Variants in PKIG observed in about 807,000 individuals in gnomAD.
PKIG encodes the protein cAMP-dependent protein kinase inhibitor gamma.
In PKIG, 1 loss-of-function variant was observed where a neutral mutation model predicts 6.8. The observed-to-expected ratio is 0.15, with a 90% confidence interval of 0.05 to 0.69. The LOEUF is 0.69. Among genes scored for constraint, PKIG ranks in the 30% least tolerant of loss-of-function variants. The probability of loss-of-function intolerance (pLI) is 0.82; values close to 1 mark genes in which losing one functional copy is unlikely to be tolerated. For missense variants in PKIG, 77 were observed against 104.0 expected (o/e 0.74, Z 1.13); for synonymous variants, 39 against 43.0 (o/e 0.91, Z 0.36).
intron 2 of PKIG, among the ~76,000 whole-genome samples, chr20:44,606,624 C>G (rs1406157992): frequency 1.3e-5 from 2 of 152,158 alleles, no homozygotes; most frequent in Non-Finnish European, 2.9e-5. Flanking sequence ...GCCTGGCCAA[C>G]ATGGTGAAAC....
intron 2 of PKIG, among the ~76,000 whole-genome samples, chr20:44,605,181 G>A (rs1046766970): frequency 8.6e-5 from 13 of 152,020 alleles, no homozygotes; most frequent in East Asian, 7.8e-4. Flanking sequence ...CGAGACGGGC[G>A]GATCACGAGG....
chr20:44,598,572 C>G (rs1245846125), intron 2 of PKIG: 1 of 152,204 alleles, frequency 6.6e-6, no homozygotes, highest in African/African-American at 2.4e-5. Flanking sequence ...GGCAGGCCTG[C>G]CAGGAAGTGA....
intron 1 of PKIG, among the ~76,000 whole-genome samples, chr20:44,552,185 T>G (rs1600845759): frequency 2.0e-5 from 3 of 148,768 alleles, no homozygotes; most frequent in Admixed American, 2.0e-4. Flanking sequence ...GTCAGTCTGT[T>G]TGTCAGACTT....
At chr20:44,565,256 T>C (rs191910346) in intron 1 of PKIG, among the ~76,000 whole-genome samples, 7 of 152,290 alleles carry the variant, frequency 4.6e-5, no homozygotes, top group Non-Finnish European at 1.0e-4. Flanking sequence ...TTGAATAAAA[T>C]ATAAAATTTT....
At chr20:44,576,941 G>A (rs752242927) in intron 1 of PKIG, among the ~76,000 whole-genome samples, 1 of 151,884 alleles carries the variant, frequency 6.6e-6, no homozygotes, top group African/African-American at 2.4e-5. Flanking sequence ...AGTCCAAAGG[G>A]GACCACAAAG....
At chr20:44,585,549 G>A (rs921455133) in intron 1 of PKIG, among the ~76,000 whole-genome samples, 3 of 152,210 alleles carry the variant, frequency 2.0e-5, no homozygotes, top group Admixed American at 2.0e-4. Flanking sequence ...TCTCACAGCT[G>A]GCAGGGGCTA....
intron 2 of PKIG, among the ~76,000 whole-genome samples, chr20:44,590,171 T>C (rs2065023087): frequency 6.6e-6 from 1 of 152,056 alleles, no homozygotes; most frequent in South Asian, 2.1e-4. Flanking sequence ...CTTAAGCAGG[T>C]GGAATCATAC....
upstream of PKIG, among the ~76,000 whole-genome samples, chr20:44,578,090 C>T (rs572748291): frequency 5.3e-5 from 8 of 152,070 alleles, no homozygotes; most frequent in South Asian, 6.2e-4. Flanking sequence ...CCTGTAATCC[C>T]AGCACTTTGG....
intron 2 of PKIG, among the ~76,000 whole-genome samples, chr20:44,610,959 C>T (rs1398027454): frequency 6.6e-6 from 1 of 151,766 alleles, no homozygotes; most frequent in Non-Finnish European, 1.5e-5. Context: ...ATAATCAGAT[C>T]AGGGCAGTTA....
rs563254648 is a variant in PKIG at position 44,614,150 on chromosome 20, G to A, written c.-23-384G>A. Among the ~76,000 whole-genome samples, 2 of 152,310 alleles carry A rather than the reference G, an allele frequency of 1.3e-5. No homozygotes were observed. The highest frequency in any genetic ancestry group is 3.9e-4 in the East Asian group (2 of 5,180). On this transcript the variant is annotated intron_variant, in intron 2 of 3. Coordinates refer to ENST00000372886, the MANE Select transcript of PKIG (RefSeq NM_001281445.2). The surrounding 1 kb of genome is among the most constrained non-coding windows in gnomAD (Gnocchi z 4.6). ...TTGAAGCCTTGAGCACCAAGGCCAT[G>A]ACTTAGGTACGAGGTGACTTTATGC...
At chr20:44,544,064 C>T (rs78198078) in intron 1 of PKIG, among the ~76,000 whole-genome samples, 1 of 72,724 alleles carries the variant, frequency 1.4e-5, no homozygotes, top group African/African-American at 5.5e-5. Context: ...AACTCCGCCT[C>T]AAAAAAAAAA....
At chr20:44,533,501 A>G (rs2064486039) in intron 1 of PKIG, among the ~76,000 whole-genome samples, 1 of 152,220 alleles carries the variant, frequency 6.6e-6, no homozygotes, top group Admixed American at 6.5e-5. Flanking sequence ...GTTAAGATCA[A>G]TCTAGCATAG....
chr20:44,596,498 C>T (rs1458059055), intron 2 of PKIG, among the ~76,000 whole-genome samples: 1 of 151,246 alleles, frequency 6.6e-6, no homozygotes, highest in African/African-American at 2.4e-5. Context: ...TTAATGTGGG[C>T]CAGAGGTACG....
chr20:44,548,524 C>G (rs1413979374), intron 1 of PKIG, among the ~76,000 whole-genome samples: 1 of 152,056 alleles, frequency 6.6e-6, no homozygotes, highest in Non-Finnish European at 1.5e-5. Context: ...AAATGAAATA[C>G]TTATCAACCA....
intron 2 of PKIG, among the ~76,000 whole-genome samples, chr20:44,593,507 A>G (rs532306718): frequency 1.1e-4 from 16 of 152,284 alleles, no homozygotes; most frequent in African/African-American, 3.6e-4. Context: ...GGGCAGACAC[A>G]GAAAGACAAA....
chr20:44,602,261 AC>A (rs2065127740), intron 2 of PKIG, among the ~76,000 whole-genome samples: 1 of 152,204 alleles, frequency 6.6e-6, no homozygotes, highest in African/African-American at 2.4e-5. Flanking sequence ...TCTCTATCCA[AC>A]TTTTCTGTAG....
rs541536793 is a variant in PKIG, at chr20:44,609,472, C to T, written c.-23-5062C>T. On this transcript the variant is annotated intron_variant, in intron 2 of 3. Transcript: ENST00000372886. ...TCTCAACAGCCCCAAGAAGGAACTG[C>T]GGCTCCTCCCCACAGAGGACAGGCG... Among the ~76,000 whole-genome samples the T allele has an allele frequency of 3.2e-3, 491 of 152,306 alleles. 1 individual carries two copies. Among genetic ancestry groups the T allele is most frequent in the Non-Finnish European group, 5.4e-3 (364 of 68,030 alleles).
chr20:44,597,414 A>G (rs1035014403), intron 2 of PKIG, among the ~76,000 whole-genome samples: 2 of 152,166 alleles, frequency 1.3e-5, no homozygotes, highest in East Asian at 1.9e-4. Flanking sequence ...CAGGGGCACA[A>G]TGGTATCTTA....
intron 1 of PKIG, among the ~76,000 whole-genome samples, chr20:44,583,101 T>C (rs767342937): frequency 2.6e-5 from 4 of 152,200 alleles, no homozygotes; most frequent in African/African-American, 4.8e-5. Context: ...AAAGGTGGTA[T>C]AATAATTTTT....
Sources: gnomAD v4.1 joint callset for allele counts (sites outside exome capture counted in the v4.1 genomes callset) on GRCh38, gnomAD v4.1.1 for gene constraint, Gnocchi (gnomAD v3.1) non-coding constraint, MANE v1.5 for transcripts, NCBI Gene and HGNC (gene_info 2026-07-23, HGNC 2026-07-21) for gene names.